The following PDS5B variants were observed in gnomAD, a reference collection of about 807,000 sequenced individuals.
PDS5B encodes sister chromatid cohesion protein PDS5 homolog B.
PDS5B carries 51 observed loss-of-function variants against 184.1 expected under a neutral mutation model. The ratio of observed to expected loss-of-function variants is 0.28; its 90% confidence interval spans 0.22 to 0.35. PDS5B has a LOEUF of 0.35. PDS5B is among the 10% of genes least tolerant of loss of function. PDS5B has a pLI of 1.00. For missense variants in PDS5B, 1,180 were observed against 1,723.3 expected (o/e 0.68, Z 5.58); for synonymous variants, 566 against 569.2 (o/e 0.99, Z 0.08).
intron 1 of PDS5B, among the ~76,000 whole-genome samples, chr13:32,618,385 GT>G (rs1410966791): frequency 6.6e-6 from 1 of 152,162 alleles, no homozygotes; most frequent in African/African-American, 2.4e-5. Flanking sequence ...AACAATTGCT[GT>G]TTTAAGGTGC....
intron 14 of PDS5B, among the ~76,000 whole-genome samples, chr13:32,694,805 CAT>C (rs1161498941): frequency 7.4e-5 from 11 of 148,794 alleles, no homozygotes; most frequent in Non-Finnish European, 1.0e-4. Context: ...TTGGATGTAT[CAT>C]ATTTTATCTT....
intron 1 of PDS5B, among the ~76,000 whole-genome samples, chr13:32,603,309 A>C (rs1017549691): frequency 6.6e-6 from 1 of 152,242 alleles, no homozygotes; most frequent in Non-Finnish European, 1.5e-5. Context: ...AGCTTTCTAC[A>C]TATGGGCTAG....
chr13:32,658,567 A>G, intron 5 of PDS5B, 36 bp downstream of exon 5: 2 of 1,106,058 alleles, frequency 1.8e-6, no homozygotes, highest in Non-Finnish European at 2.6e-6. Flanking sequence ...ACATTAAAAA[A>G]AGGTAACAAA....
At chr13:32,605,420 C>A (rs1266631099) in intron 1 of PDS5B, among the ~76,000 whole-genome samples, 1 of 152,190 alleles carries the variant, frequency 6.6e-6, no homozygotes, top group Non-Finnish European at 1.5e-5. Context: ...AGCTTGATTG[C>A]ACTGTGCTCT....
rs904602054 is a variant in PDS5B, at chr13:32,746,210, G to A, written c.2736+110G>A. ...AATCTTGAATGTGTATGGTTTGTTT[G>A]TTTCTGAAAAATTTATGCATGAGAA... On this transcript the variant is annotated intron_variant, in intron 24 of 34. Coordinates refer to ENST00000315596, the MANE Select transcript of PDS5B (RefSeq NM_015032.4). The A allele has an allele frequency of 4.1e-6, 4 of 964,372 alleles. No homozygotes were observed. In the African/African-American group the frequency reaches 6.5e-5, roughly 16 times the overall value. The allele number at this position is 964,372 out of a possible 1,614,324, so 59.7% of individuals were successfully genotyped here.
intron 1 of PDS5B, among the ~76,000 whole-genome samples, chr13:32,645,386 A>G (rs1387850452): frequency 6.6e-6 from 1 of 152,186 alleles, no homozygotes; most frequent in Non-Finnish European, 1.5e-5. Context: ...AACTATTTGT[A>G]TGACATGGGA....
At chr13:32,695,731 T>G (rs544579364) in intron 14 of PDS5B, among the ~76,000 whole-genome samples, 6 of 152,012 alleles carry the variant, frequency 3.9e-5, no homozygotes, top group Admixed American at 3.3e-4. Context: ...CCTCTAAAAT[T>G]TATGTATTTA....
chr13:32,709,073 C>G (rs1158892382), intron 18 of PDS5B, among the ~76,000 whole-genome samples: 2 of 151,934 alleles, frequency 1.3e-5, no homozygotes, highest in African/African-American at 2.4e-5. Flanking sequence ...GTTTTATCAT[C>G]TATGTATGTA....
intron 3 of PDS5B, chr13:32,652,647 C>T (rs1301473636): frequency 1.4e-5 from 2 of 144,586 alleles, no homozygotes; most frequent in Non-Finnish European, 3.0e-5. Flanking sequence ...CCCATAACTA[C>T]TTGGGAAGCT....
At chr13:32,751,022 TCACCCTCC>T (rs1159246346) in intron 24 of PDS5B, among the ~76,000 whole-genome samples, 7 of 152,158 alleles carry the variant, frequency 4.6e-5, no homozygotes, top group African/African-American at 1.2e-4. Flanking sequence ...TTTTCCATCT[TCACCCTCC>T]TACCCTCCAC....
intron 19 of PDS5B, among the ~76,000 whole-genome samples, chr13:32,713,915 A>G (rs1051387290): frequency 6.6e-6 from 1 of 152,220 alleles, no homozygotes; most frequent in Non-Finnish European, 1.5e-5. Context: ...CCCGATAATC[A>G]TGTAGGTTCT....
intron 27 of PDS5B, 143 bp from the exon 28 acceptor site, chr13:32,758,391 A>T: frequency 2.2e-6 from 2 of 927,048 alleles, no homozygotes; most frequent in Non-Finnish European, 3.2e-6. Context: ...CAAAACCAGT[A>T]GTGTAAGCTA....
At chr13:32,680,434 A>G (rs749197906) in intron 10 of PDS5B, among the ~76,000 whole-genome samples, 2 of 152,200 alleles carry the variant, frequency 1.3e-5, no homozygotes, top group African/African-American at 4.8e-5. Flanking sequence ...TTTCTAATAG[A>G]AGAGTATCTT....
At position 32,667,744 on chromosome 13, in the gene PDS5B, A is replaced by T; in HGVS notation, c.625-20A>T. On this transcript the variant is annotated intron_variant, in intron 6 of 34. Transcript: ENST00000315596. ...TCATAGTTAGAGATATATAATATAG[A>T]TATTGTTTATGTTTTTCAGAATTTA... is the stretch of plus-strand genomic sequence containing the variant. 1 of 1,462,772 alleles carries T rather than the reference A, an allele frequency of 6.8e-7. No individual in the cohort carries two copies. Among genetic ancestry groups the T allele is most frequent in the Non-Finnish European group, 9.4e-7 (1 of 1,060,600 alleles). The allele number at this position is 1,462,772 out of a possible 1,614,324, so 90.6% of individuals were successfully genotyped here.
At position 32,709,996 on chromosome 13, in the gene PDS5B, A is replaced by G. The variant is rs1952154895; in HGVS notation, c.2013A>G (p.Glu671=). Residue 671 remains glutamate (E), a synonymous_variant, in exon 19 of 35, where the codon GAA becomes GAG. Coordinates refer to ENST00000315596, the MANE Select transcript of PDS5B (RefSeq NM_015032.4). ...CATTTCATTCTGCTGAAACATTTGA[A>G]TCATTACTGGCTTGTCTGAAAATGG... ...PISFHSAETF[E]SLLACLKMDD... is the part of the protein sequence containing the mutation. The G allele has an allele frequency of 3.3e-6, 5 of 1,519,994 alleles. No homozygotes were observed. Among genetic ancestry groups the G allele is most frequent in the Non-Finnish European group, 4.5e-6 (5 of 1,118,730 alleles). The allele number at this position is 1,519,994 out of a possible 1,614,324, so 94.2% of individuals were successfully genotyped here.
At chr13:32,666,411 T>C (rs1033067845) in intron 6 of PDS5B, among the ~76,000 whole-genome samples, 3 of 152,014 alleles carry the variant, frequency 2.0e-5, no homozygotes, top group African/African-American at 7.2e-5. Flanking sequence ...AGTAGGGAAA[T>C]TATAGTTAAC....
At position 32,659,244 on chromosome 13, in the gene PDS5B, G is replaced by A; in HGVS notation, c.588G>A (p.Leu196=). ...GTGATACAGTGTCTCAGGAGCTTTT[G>A]GATACGGTTTTAGTAAATCTGGTAC... ...CEGDTVSQEL[L]DTVLVNLVPA... is the part of the protein sequence containing the mutation. Residue 196 remains leucine (L), a synonymous_variant, in exon 6 of 35, where the codon TTG becomes TTA. Transcript: ENST00000315596. The A allele has an allele frequency of 6.3e-7, 1 of 1,594,844 alleles. No homozygotes were observed. Among genetic ancestry groups the A allele is most frequent in the Non-Finnish European group, 8.6e-7 (1 of 1,167,798 alleles).
intron 19 of PDS5B, among the ~76,000 whole-genome samples, chr13:32,722,572 C>T (rs980296719): frequency 2.0e-5 from 3 of 149,654 alleles, no homozygotes; most frequent in Non-Finnish European, 2.9e-5. Context: ...TAAGTTTACT[C>T]TATGATGTTC....
chr13:32,732,281 T>C (rs1385634018), intron 20 of PDS5B, 57 bp downstream of exon 20: 6 of 1,205,198 alleles, frequency 5.0e-6, no homozygotes, highest in Non-Finnish European at 7.2e-6. Flanking sequence ...AAAACAAATA[T>C]TGATGATTTT....
Sources: gnomAD v4.1 joint callset for allele counts (sites outside exome capture counted in the v4.1 genomes callset) on GRCh38, gnomAD v4.1.1 for gene constraint, MANE v1.5 for transcripts, NCBI Gene and HGNC (gene_info 2026-07-23, HGNC 2026-07-21) for gene names.